The following ADAM12 variants were observed in gnomAD, a reference collection of about 807,000 sequenced individuals.
ADAM12 encodes the protein ADAM metallopeptidase domain 12, also known as disintegrin and metalloproteinase domain-containing protein 12.
ADAM12 carries 70 observed loss-of-function variants against 106.4 expected under a neutral mutation model. The ratio of observed to expected loss-of-function variants is 0.66; its 90% CI spans 0.54 to 0.80. The LOEUF (loss-of-function observed/expected upper bound fraction) is 0.80. ADAM12 is among the 30% of genes least tolerant of loss of function. The probability of loss-of-function intolerance (pLI) is 0.00; values close to 1 mark genes in which losing one functional copy is unlikely to be tolerated. For synonymous variants in ADAM12, 420 were observed against 433.5 expected (o/e 0.97, Z 0.39); for missense variants, 1,010 against 1,171.9 (o/e 0.86, Z 2.02).
intron 3 of ADAM12, among the ~76,000 whole-genome samples, chr10:126,262,809 C>G (rs1010618259): frequency 7.9e-5 from 12 of 152,144 alleles, no homozygotes; most frequent in Non-Finnish European, 1.5e-4. Flanking sequence ...TTATCAAATG[C>G]CACCCACTCC....
chr10:126,038,947 CATTT>C (rs1486932196), intron 19 of ADAM12, among the ~76,000 whole-genome samples: 2 of 132,224 alleles, frequency 1.5e-5, no homozygotes, highest in South Asian at 2.5e-4. Flanking sequence ...TCTGAGACAC[CATTT>C]CTTTTTTTTT....
intron 1 of ADAM12, among the ~76,000 whole-genome samples, chr10:126,381,837 T>C (rs1345438551): frequency 6.6e-6 from 1 of 151,894 alleles, no homozygotes; most frequent in Non-Finnish European, 1.5e-5. Flanking sequence ...TAGTTGGGCA[T>C]GGTAGTGTGT....
At position 126,016,555 on chromosome 10, in the gene ADAM12, C is replaced by A. The variant is rs1268999352; in HGVS notation, c.*724G>T. On this transcript the variant is annotated 3_prime_UTR_variant, in exon 23 of 23. Transcript: ENST00000448723. ...GCACCGCCTTGAGTGACACTACAGA[C>A]CCCTTCCAAACATGCTCACGGCTGG... The A allele has an allele frequency of 6.6e-6, 1 of 152,308 alleles. No individual in the cohort carries two copies. The highest frequency in any genetic ancestry group is 6.5e-5 in the Admixed American group (1 of 15,284). The allele number at this position is 152,308 out of a possible 1,614,324, so 9.4% of individuals were successfully genotyped here.
intron 3 of ADAM12, among the ~76,000 whole-genome samples, chr10:126,247,641 AG>A (rs1958655975): frequency 6.6e-6 from 1 of 152,234 alleles, no homozygotes; most frequent in Admixed American, 6.5e-5. Flanking sequence ...CATTTAAAAC[AG>A]GGCTTGGCGT....
intron 22 of ADAM12, among the ~76,000 whole-genome samples, 190 bp from the exon 23 acceptor site, chr10:126,017,529 G>C (rs1258953408): frequency 2.0e-5 from 3 of 152,106 alleles, no homozygotes; most frequent in Non-Finnish European, 2.9e-5. Flanking sequence ...GTCAACTCTA[G>C]ACCAGCACTG....
rs188528523 is a variant in ADAM12, at chr10:126,245,326, G to A, written c.260+33589C>T. Among the ~76,000 whole-genome samples, 15 of 152,322 alleles carry A rather than the reference G, an allele frequency of 9.8e-5. No individual in the cohort carries two copies. The East Asian group carries it at 2.7e-3, about 27-fold the overall frequency. On this transcript the variant is annotated intron_variant, in intron 3 of 22. Coordinates refer to ENST00000448723, the MANE Select transcript of ADAM12 (RefSeq NM_001288973.2). ...GAGGAAGGACACATCCCCCAGAGAC[G>A]CTGAAGAACATGGAACTTAGACTAA...
intron 14 of ADAM12, among the ~76,000 whole-genome samples, chr10:126,060,905 G>T (rs1245883025): frequency 6.6e-6 from 1 of 152,322 alleles, no homozygotes; most frequent in South Asian, 2.1e-4. Context: ...CTTGACAAAT[G>T]AGAGAATGGT....
intron 11 of ADAM12, among the ~76,000 whole-genome samples, chr10:126,082,817 G>C (rs1955254839): frequency 6.6e-6 from 1 of 152,180 alleles, no homozygotes; most frequent in Non-Finnish European, 1.5e-5. Flanking sequence ...TCCCAAGTGA[G>C]AGCGAGGTCC....
chr10:126,124,000 A>G (rs1440697943), intron 5 of ADAM12, among the ~76,000 whole-genome samples: 1 of 152,182 alleles, frequency 6.6e-6, no homozygotes, highest in Non-Finnish European at 1.5e-5. Flanking sequence ...TATTTCCTCA[A>G]GATAAGTTTT....
At chr10:126,026,610 A>G (rs1233559852) in intron 21 of ADAM12, among the ~76,000 whole-genome samples, 1 of 152,212 alleles carries the variant, frequency 6.6e-6, no homozygotes. Context: ...GCTTAAGATT[A>G]AGAAATTCAC....
intron 5 of ADAM12, among the ~76,000 whole-genome samples, chr10:126,123,107 A>G (rs983331684): frequency 1.3e-5 from 2 of 152,210 alleles, no homozygotes; most frequent in Admixed American, 6.5e-5. Context: ...GGCAGCCTAT[A>G]ATAAGCTTAA....
intron 22 of ADAM12, among the ~76,000 whole-genome samples, chr10:126,018,175 C>A (rs933007995): frequency 6.6e-6 from 1 of 152,246 alleles, no homozygotes; most frequent in Non-Finnish European, 1.5e-5. Flanking sequence ...AGTGTGTCTT[C>A]TCCTTCAGAG....
At chr10:126,253,383 A>G (rs897494518) in intron 3 of ADAM12, among the ~76,000 whole-genome samples, 1 of 152,252 alleles carries the variant, frequency 6.6e-6, no homozygotes, top group African/African-American at 2.4e-5. Flanking sequence ...CTAATGACTC[A>G]TGATGAGGAG....
chr10:126,381,237 C>T (rs1013061190), intron 1 of ADAM12, among the ~76,000 whole-genome samples: 5 of 152,124 alleles, frequency 3.3e-5, no homozygotes, highest in African/African-American at 9.7e-5. Context: ...ATCTATATGT[C>T]GAGCATGGTA....
chr10:126,135,866 C>T (rs971505636), intron 4 of ADAM12, among the ~76,000 whole-genome samples: 7 of 152,212 alleles, frequency 4.6e-5, no homozygotes, highest in South Asian at 4.1e-4. Context: ...TTACCAACAG[C>T]GGTTTTTAAA....
At chr10:126,371,029 C>T (rs570420131) in intron 1 of ADAM12, among the ~76,000 whole-genome samples, 39 of 152,270 alleles carry the variant, frequency 2.6e-4, no homozygotes, top group Non-Finnish European at 1.9e-4. Flanking sequence ...CGTGTAAGTC[C>T]CATTTCTAGT....
intron 2 of ADAM12, among the ~76,000 whole-genome samples, chr10:126,325,503 A>G (rs1349359037): frequency 1.3e-5 from 2 of 152,240 alleles, no homozygotes; most frequent in Non-Finnish European, 2.9e-5. Flanking sequence ...TGCCTCTGTC[A>G]TTTTAATTAG....
chr10:126,276,247 C>T (rs1959240241), intron 3 of ADAM12, among the ~76,000 whole-genome samples: 1 of 152,076 alleles, frequency 6.6e-6, no homozygotes, highest in Non-Finnish European at 1.5e-5. Context: ...TTGATCAGGC[C>T]CTTTATTGTA....
chr10:126,135,085 C>A (rs1956380251), intron 5 of ADAM12, among the ~76,000 whole-genome samples: 1 of 152,178 alleles, frequency 6.6e-6, no homozygotes, highest in Admixed American at 6.5e-5. Context: ...CTGCATCATG[C>A]CCGTAGCATA....
Sources: allele counts gnomAD v4.1 joint callset (sites outside exome capture counted in the v4.1 genomes callset), GRCh38; gene constraint gnomAD v4.1.1; transcripts MANE v1.5; gene names NCBI Gene and HGNC (gene_info 2026-07-23, HGNC 2026-07-21).